The following EGF variants were observed in gnomAD, a reference collection of about 807,000 sequenced individuals.
The protein encoded by EGF is epidermal growth factor, also known as pro-epidermal growth factor.
EGF carries 95 observed loss-of-function variants against 143.8 expected under a neutral mutation model. The observed-to-expected ratio is 0.66, with a 90% CI of 0.56 to 0.78. EGF has a LOEUF of 0.78. Among genes scored for constraint, EGF ranks in the 30% least tolerant of loss-of-function variants. The pLI, the probability that EGF is intolerant of heterozygous loss-of-function variation, is 0.00. For synonymous variants in EGF, 510 were observed against 510.5 expected (o/e 1.00, Z 0.01); for missense variants, 1,320 against 1,470.9 (o/e 0.90, Z 1.68).
In EGF at chr4:109,968,968, T is replaced by G. The variant is rs370800724; in HGVS notation, c.1576-3T>G. ...TCAGAAATGCCTGTGTTCTCTTTTG[T>G]AGATATACTTTGCCCATACAGCCCT... On this transcript the variant is annotated splice_polypyrimidine_tract_variant and splice_region_variant and intron_variant, in intron 10 of 23. Transcript: ENST00000265171. 6.2e-7 allele frequency: 1 copy of G among 1,614,016 alleles called. No individual in the cohort carries two copies. Among genetic ancestry groups the G allele is most frequent in the African/African-American group, 1.3e-5 (1 of 74,918 alleles).
At chr4:109,957,370 C>T (rs890792184) in intron 5 of EGF, among the ~76,000 whole-genome samples, 4 of 152,144 alleles carry the variant, frequency 2.6e-5, no homozygotes, top group Non-Finnish European at 4.4e-5. Flanking sequence ...TTAACCTTTA[C>T]GAGGAAAGTA....
intron 18 of EGF, among the ~76,000 whole-genome samples, chr4:109,993,006 T>C (rs11569071): frequency 3.3e-4 from 49 of 150,124 alleles, no homozygotes; most frequent in African/African-American, 1.1e-3. Context: ...AAATGACGAG[T>C]TAATGGGTGC....
Position 109,999,775 on chromosome 4 carries a change from C to T in EGF, c.3102C>T (p.Ile1034=), listed in dbSNP as rs772253578. 1.1e-5 allele frequency: 17 copies of T among 1,613,974 alleles called. No homozygotes were observed. The highest frequency in any genetic ancestry group is 1.3e-5 in the African/African-American group (1 of 74,914). The change falls in exon 21 of 24, where the codon ATC becomes ATT. Residue 1034 remains isoleucine, a synonymous_variant. Coordinates refer to ENST00000265171, the MANE Select transcript of EGF (RefSeq NM_001963.6). ...HAGHGQQQKV[I]VVAVCVVVLV... is the part of the protein sequence containing the mutation. ...GCCACGGGCAGCAGCAGAAGGTCAT[C>T]GTGGTGGCTGTCTGCGTGGTGGTGC...
chr4:109,965,017 T>C (rs1746320872), intron 10 of EGF, among the ~76,000 whole-genome samples: 1 of 152,150 alleles, frequency 6.6e-6, no homozygotes, highest in Admixed American at 6.6e-5. Context: ...GAACGTAAGT[T>C]TTATAGCTCA....
At chr4:109,957,222 T>TTTTG (rs1744935170) in intron 5 of EGF, among the ~76,000 whole-genome samples, 1 of 152,166 alleles carries the variant, frequency 6.6e-6, no homozygotes, top group Admixed American at 6.5e-5. Context: ...CAAAATGAAG[T>TTTTG]CACTCATGCT....
At chr4:109,933,194 T>C (rs1296809707) in intron 1 of EGF, among the ~76,000 whole-genome samples, 2 of 152,244 alleles carry the variant, frequency 1.3e-5, no homozygotes. Flanking sequence ...AAACCAGGCC[T>C]CTGGCTTTCT....
intron 6 of EGF, 50 bp from the exon 7 acceptor site, chr4:109,960,817 T>C (rs893307546): frequency 1.9e-6 from 3 of 1,611,652 alleles, no homozygotes; most frequent in Admixed American, 1.7e-5. Context: ...TAGCACAATT[T>C]ATTTTCAAAA....
chr4:109,941,968 A>G (rs1742009153), intron 2 of EGF, among the ~76,000 whole-genome samples: 2 of 152,234 alleles, frequency 1.3e-5, no homozygotes. Flanking sequence ...TTGATTCTCA[A>G]TGCAAAGTCC....
intron 21 of EGF, chr4:110,001,750 A>G (rs1752600517): frequency 1.0e-6 from 1 of 985,348 alleles, no homozygotes; most frequent in Non-Finnish European, 1.2e-6. Context: ...ATATAAGAGT[A>G]TCTTCAACCT....
chr4:109,999,297 T>G lies in EGF; in HGVS notation c.3006-382T>G, dbSNP rs11569096. ...CTCCTTTCCTTTCACCTATACTCAT[T>G]GCAATCTGGCCAAACATTTGTTTCC... On this transcript the variant is annotated intron_variant, in intron 20 of 23. Coordinates refer to ENST00000265171, the MANE Select transcript of EGF (RefSeq NM_001963.6). Among the ~76,000 whole-genome samples the G allele has an allele frequency of 2.7e-3, 418 of 152,350 alleles. 1 individual carries two copies. The highest frequency in any genetic ancestry group is 9.3e-3 in the African/African-American group (385 of 41,584).
intron 1 of EGF, among the ~76,000 whole-genome samples, chr4:109,914,122 A>G (rs918817016): frequency 6.6e-6 from 1 of 152,198 alleles, no homozygotes; most frequent in African/African-American, 2.4e-5. Context: ...TTTTTTGCCA[A>G]GGGGAAATGG....
In EGF at chr4:109,961,126, C is replaced by T. The variant is rs1480709471; in HGVS notation, c.1189+137C>T. On this transcript the variant is annotated intron_variant, in intron 7 of 23. Transcript: ENST00000265171. ...TACCTTTGAGTTTTATTTTGTTTGGCTTTTTAAAACATGGATGACTGCCAG... is the reference window on the plus strand; with the variant it reads ...TACCTTTGAGTTTTATTTTGTTTGGTTTTTTAAAACATGGATGACTGCCAG... 12 of 989,490 alleles carry T rather than the reference C, an allele frequency of 1.2e-5. No individual in the cohort carries two copies. In the Admixed American group the frequency reaches 1.3e-4, roughly 10 times the overall value. 61.3% of individuals were successfully genotyped at this position (989,490 alleles called of 1,614,324 possible).
At chr4:110,008,888 C>T (rs1315365465) in intron 23 of EGF, among the ~76,000 whole-genome samples, 1 of 152,182 alleles carries the variant, frequency 6.6e-6, no homozygotes. Context: ...TTTTGTTTCA[C>T]AGGCCAGAGG....
intron 1 of EGF, among the ~76,000 whole-genome samples, chr4:109,924,948 T>G (rs1738392152): frequency 6.6e-6 from 1 of 152,190 alleles, no homozygotes; most frequent in Non-Finnish European, 1.5e-5. Flanking sequence ...TGTTAGCTAG[T>G]GGTAACATGA....
chr4:109,995,457 A>G (rs546239513), intron 20 of EGF, among the ~76,000 whole-genome samples: 11 of 152,220 alleles, frequency 7.2e-5, no homozygotes, highest in African/African-American at 2.6e-4. Flanking sequence ...TTTTGCCCCC[A>G]TAAGGGTTTC....
At chr4:110,004,963 T>C (rs867087331) in intron 22 of EGF, among the ~76,000 whole-genome samples, 2 of 151,988 alleles carry the variant, frequency 1.3e-5, no homozygotes, top group African/African-American at 4.8e-5. Context: ...TCCAGATACA[T>C]GTCTTAAAAA....
At chr4:109,940,149 G>A (rs1423499596) in intron 1 of EGF, among the ~76,000 whole-genome samples, 2 of 152,124 alleles carry the variant, frequency 1.3e-5, no homozygotes, top group African/African-American at 4.8e-5. Context: ...GAGTTGGTAG[G>A]TGGCCATCAC....
intron 5 of EGF, among the ~76,000 whole-genome samples, chr4:109,955,417 T>A (rs1744636108): frequency 6.6e-6 from 1 of 152,146 alleles, no homozygotes; most frequent in Non-Finnish European, 1.5e-5. Flanking sequence ...TTAAGGAGAT[T>A]AAAGAAAATA....
intron 5 of EGF, among the ~76,000 whole-genome samples, chr4:109,950,942 C>T (rs536107719): frequency 1.3e-5 from 2 of 152,192 alleles, no homozygotes; most frequent in African/African-American, 4.8e-5. Context: ...ATTCCTTAGT[C>T]CTTAGAGGAC....
Sources: allele counts gnomAD v4.1 joint callset (sites outside exome capture counted in the v4.1 genomes callset), GRCh38; gene constraint gnomAD v4.1.1; transcripts MANE v1.5; gene names NCBI Gene and HGNC (gene_info 2026-07-23, HGNC 2026-07-21).